The following SNAPC5 variants were observed in gnomAD, a reference collection of about 807,000 sequenced individuals.
The protein encoded by SNAPC5 is snRNA-activating protein complex subunit 5.
Under a neutral mutation model 9.1 loss-of-function variants are expected in SNAPC5, and 12 were observed. That is an observed-to-expected ratio of 1.32 (90% CI 0.85 to 2.15). The LOEUF (loss-of-function observed/expected upper bound fraction) is 2.15. Among genes scored for constraint, SNAPC5 ranks in the 30% most tolerant of loss-of-function variants. The pLI, the probability that SNAPC5 is intolerant of heterozygous loss-of-function variation, is 0.00. For synonymous variants in SNAPC5, 52 were observed against 47.3 expected (o/e 1.10, Z -0.41); for missense variants, 132 against 114.4 (o/e 1.15, Z -0.70).
rs1268639377 is a variant in SNAPC5 at position 66,495,341 on chromosome 15, G to C, written c.169C>G (p.Gln57Glu). 6.3e-7 allele frequency: 1 copy of C among 1,585,514 alleles called. No individual in the cohort carries two copies. Among genetic ancestry groups the C allele is most frequent in the African/African-American group, 1.3e-5 (1 of 74,406 alleles). Residue 57 changes from glutamine to glutamate, a missense_variant, in exon 2 of 3, where the codon CAG becomes GAG. Gln to Glu is a conservative substitution (Grantham distance 29). Coordinates refer to ENST00000316634, the MANE Select transcript of SNAPC5 (RefSeq NM_001329615.2). Reference sequence around the variant, plus strand: ...TTGATTAAGCTTACATCATGTGACTGTTCAGGTACAGTGTGAGAAGACAGC... The same window carrying C: ...TTGATTAAGCTTACATCATGTGACTCTTCAGGTACAGTGTGAGAAGACAGC... ...EMLSSHTVPEQSHDMLVHVDN... is the reference protein window; with the variant it reads ...EMLSSHTVPEESHDMLVHVDN...
At chr15:66,492,662 G>T (rs1893293073), downstream of SNAPC5, among the ~76,000 whole-genome samples, 1 of 151,828 alleles carries the variant, frequency 6.6e-6, no homozygotes, top group South Asian at 2.1e-4. Context: ...CCACTTTCAT[G>T]CTCAGTGTCT....
At chr15:66,490,692 T>C, downstream of SNAPC5, 4 of 1,010,512 alleles carry the variant, frequency 4.0e-6, no homozygotes, top group Non-Finnish European at 6.3e-6. Flanking sequence ...TTCCCATGCC[T>C]GTCTCTGTTC....
At chr15:66,495,890 T>C (rs1162954062) in intron 1 of SNAPC5, among the ~76,000 whole-genome samples, 5 of 152,220 alleles carry the variant, frequency 3.3e-5, no homozygotes, top group African/African-American at 1.2e-4. Context: ...AAGGGTACCG[T>C]GGCAATATAG....
rs746937861 is a variant in SNAPC5, at chr15:66,494,408, AACTG to A, written c.*24_*27del. On this transcript the variant is annotated 3_prime_UTR_variant, in exon 3 of 3. Transcript: ENST00000316634. Reference sequence around the variant, plus strand: ...TGAGCCTTAGAAATGCAATTTGTATAACTGACCAGCCTGGCTTTCCCCCTCCTTT... The same window carrying A: ...TGAGCCTTAGAAATGCAATTTGTATAACCAGCCTGGCTTTCCCCCTCCTTT... The A allele has an allele frequency of 6.7e-7, 1 of 1,496,360 alleles. No homozygotes were observed. Among genetic ancestry groups the A allele is most frequent in the Non-Finnish European group, 9.3e-7 (1 of 1,079,236 alleles). The allele number at this position is 1,496,360 out of a possible 1,614,324, so 92.7% of individuals were successfully genotyped here.
At chr15:66,497,539 C>T (rs757983028) in intron 1 of SNAPC5, 103 bp downstream of exon 1, 2 of 981,754 alleles carry the variant, frequency 2.0e-6, no homozygotes, top group Non-Finnish European at 3.3e-6. Flanking sequence ...TAGTGAGTAG[C>T]GGAGAACTGG....
Position 66,494,086 on chromosome 15 carries a change from G to A in SNAPC5, c.*350C>T. 1 of 210,528 alleles carries A rather than the reference G, an allele frequency of 4.7e-6. No homozygotes were observed. Among genetic ancestry groups the A allele is most frequent in the South Asian group, 7.6e-5 (1 of 13,158 alleles). 13.0% of individuals were successfully genotyped at this position (210,528 alleles called of 1,614,324 possible). A position where few individuals can be genotyped will look rare whatever the true frequency, so the allele number is the denominator to read the frequency against. ...TCAAAGAGGCATTGTTGACTGGAAA[G>A]ACTGGCTTGTATTTAAACTCTGCTC... is the stretch of plus-strand genomic sequence containing the variant. On this transcript the variant is annotated 3_prime_UTR_variant, in exon 3 of 3. Transcript: ENST00000316634.
At chr15:66,495,551 G>A (rs1893399818) in intron 1 of SNAPC5, 132 bp from the exon 2 acceptor site, 6 of 637,724 alleles carry the variant, frequency 9.4e-6, no homozygotes, top group Non-Finnish European at 1.7e-5. Context: ...TTGCTCTAGA[G>A]GGAAAGTTGA....
chr15:66,495,909 A>C (rs895026969), intron 1 of SNAPC5, among the ~76,000 whole-genome samples: 1 of 152,218 alleles, frequency 6.6e-6, no homozygotes, highest in Non-Finnish European at 1.5e-5. Context: ...AGAAACACAA[A>C]TAAGTGGAGG....
rs368120374 is a variant in SNAPC5, at chr15:66,494,542, T to A, written c.191A>T (p.His64Leu). 2.5e-6 allele frequency: 4 copies of A among 1,612,850 alleles called. No individual in the cohort carries two copies. Among genetic ancestry groups the A allele is most frequent in the African/African-American group, 2.7e-5 (2 of 74,882 alleles). ...VPEQSHDMLV[H>L]VDNEASINQT... Reference sequence around the variant, plus strand: ...GTTGATTGATGCTTCATTGTCTACATGCACCAACATCTGTATTGGCCAAGG... The same window carrying A: ...GTTGATTGATGCTTCATTGTCTACAAGCACCAACATCTGTATTGGCCAAGG... The change falls in exon 3 of 3, where the codon CAT becomes CTT. Residue 64 changes from histidine (H) to leucine (L), a missense_variant. Coordinates refer to ENST00000316634, the MANE Select transcript of SNAPC5 (RefSeq NM_001329615.2).
At chr15:66,495,170 G>A (rs1009771415) in intron 2 of SNAPC5, 160 bp downstream of exon 2, 4 of 660,112 alleles carry the variant, frequency 6.1e-6, no homozygotes, top group African/African-American at 5.4e-5. Flanking sequence ...GGTGGTTAAT[G>A]GAGAGTTGCC....
At chr15:66,493,453 GA>G (rs1036771940), downstream of SNAPC5, 4 of 152,048 alleles carry the variant, frequency 2.6e-5, no homozygotes, top group Admixed American at 1.3e-4. Flanking sequence ...TTGGGAGTTC[GA>G]GAGCAGCCTG....
chr15:66,492,860 C>G (rs934726282), downstream of SNAPC5, among the ~76,000 whole-genome samples: 1 of 152,178 alleles, frequency 6.6e-6, no homozygotes, highest in Non-Finnish European at 1.5e-5. Context: ...ATGTGAGTAT[C>G]TTCACCTTAC....
At chr15:66,492,540 G>A (rs1342639342), downstream of SNAPC5, among the ~76,000 whole-genome samples, 1 of 151,576 alleles carries the variant, frequency 6.6e-6, no homozygotes, top group African/African-American at 2.4e-5. Context: ...TTTACACTGT[G>A]TGTCTTTTAC....
chr15:66,497,614 G>A, intron 1 of SNAPC5, 28 bp downstream of exon 1: 1 of 1,601,308 alleles, frequency 6.2e-7, no homozygotes, highest in Non-Finnish European at 8.6e-7. Context: ...AGGAATGGAG[G>A]AGGGGCAGGA....
intron 1 of SNAPC5, among the ~76,000 whole-genome samples, chr15:66,495,898 T>C (rs989596689): frequency 9.2e-5 from 14 of 152,186 alleles, no homozygotes; most frequent in Non-Finnish European, 1.8e-4. Flanking sequence ...CGTGGCAATA[T>C]AGAAACACAA....
At chr15:66,492,648 C>G (rs570422234), downstream of SNAPC5, among the ~76,000 whole-genome samples, 1 of 152,154 alleles carries the variant, frequency 6.6e-6, no homozygotes, top group South Asian at 2.1e-4. Flanking sequence ...AAACCTAGAT[C>G]TGACCACTTT....
intron 1 of SNAPC5, chr15:66,497,398 A>G: frequency 3.4e-6 from 2 of 596,318 alleles, no homozygotes; most frequent in South Asian, 2.0e-5. Flanking sequence ...CCAAACACAG[A>G]TCCCTGAGCC....
chr15:66,490,627 G>A (rs1388311751), downstream of SNAPC5: 3 of 1,605,096 alleles, frequency 1.9e-6, no homozygotes, highest in Non-Finnish European at 2.6e-6. Context: ...TGTTTGGGAA[G>A]CAACAAAGAG....
chr15:66,491,366 T>C (rs999790561), downstream of SNAPC5: 2 of 233,044 alleles, frequency 8.6e-6, no homozygotes, highest in African/African-American at 4.4e-5. Context: ...TTGATCAAGA[T>C]ATTAAAATGT....
Sources: allele counts gnomAD v4.1 joint callset (sites outside exome capture counted in the v4.1 genomes callset), GRCh38; gene constraint gnomAD v4.1.1; transcripts MANE v1.5; gene names NCBI Gene and HGNC (gene_info 2026-07-23, HGNC 2026-07-21).